Variants in MAML3 observed in about 807,000 individuals in gnomAD.
The protein encoded by MAML3 is mastermind like transcriptional coactivator 3, also known as mastermind-like protein 3.
A neutral mutation model predicts 101.9 loss-of-function variants in MAML3; 27 were observed. That is an observed-to-expected ratio of 0.27 (90% CI 0.20 to 0.37). MAML3 has a LOEUF of 0.37. MAML3 is among the 10% of genes least tolerant of loss of function. The pLI is 1.00. For synonymous variants in MAML3, 501 were observed against 555.9 expected (o/e 0.90, Z 1.39); for missense variants, 1,316 against 1,444.9 (o/e 0.91, Z 1.45).
intron 1 of MAML3, among the ~76,000 whole-genome samples, chr4:139,923,037 G>T (rs1018323495): frequency 1.4e-4 from 22 of 152,166 alleles, no homozygotes; most frequent in Admixed American, 1.4e-3. Flanking sequence ...TCATGATAGG[G>T]TGCCAGAGGG....
intron 1 of MAML3, among the ~76,000 whole-genome samples, chr4:140,121,447 C>T: frequency 6.6e-6 from 1 of 152,160 alleles, no homozygotes; most frequent in East Asian, 1.9e-4. Flanking sequence ...CAGAAATGTT[C>T]TTTGGCTGGC....
At chr4:140,122,283 G>A (rs1278469030) in intron 1 of MAML3, among the ~76,000 whole-genome samples, 1 of 145,036 alleles carries the variant, frequency 6.9e-6, no homozygotes, top group African/African-American at 2.6e-5. Flanking sequence ...GTGCAATAGC[G>A]CAATCTCGGC....
chr4:139,743,342 C>G (rs552343958), intron 2 of MAML3, among the ~76,000 whole-genome samples: 1 of 152,326 alleles, frequency 6.6e-6, no homozygotes, highest in South Asian at 2.1e-4. Flanking sequence ...GAAAGCTTCC[C>G]GGACACTAGG....
intron 1 of MAML3, among the ~76,000 whole-genome samples, chr4:139,989,445 C>G (rs1400710734): frequency 6.6e-6 from 1 of 152,138 alleles, no homozygotes; most frequent in Non-Finnish European, 1.5e-5. Flanking sequence ...TGATCTTCCT[C>G]CCTATTACCC....
intron 1 of MAML3, among the ~76,000 whole-genome samples, chr4:140,068,107 C>A (rs1384897169): frequency 6.6e-6 from 1 of 152,174 alleles, no homozygotes; most frequent in African/African-American, 2.4e-5. Context: ...TTGGAAGTCA[C>A]ACAGCATCAC....
intron 2 of MAML3, among the ~76,000 whole-genome samples, chr4:139,741,607 C>T (rs532839568): frequency 1.3e-5 from 2 of 152,070 alleles, no homozygotes; most frequent in African/African-American, 2.4e-5. Flanking sequence ...ATTAGCTGGG[C>T]ATGGTGGTGT....
chr4:139,990,802 T>C (rs1734657592), intron 1 of MAML3, among the ~76,000 whole-genome samples: 2 of 152,164 alleles, frequency 1.3e-5, no homozygotes, highest in South Asian at 2.1e-4. Context: ...CCAGTCACAA[T>C]TGCTTCAAAG....
At chr4:139,910,640 A>C (rs1380777422) in intron 1 of MAML3, among the ~76,000 whole-genome samples, 1 of 152,208 alleles carries the variant, frequency 6.6e-6, no homozygotes, top group African/African-American at 2.4e-5. Context: ...GAATGGAGAT[A>C]TTAGGTGTGA....
chr4:139,786,723 A>G (rs1730310369), intron 2 of MAML3, among the ~76,000 whole-genome samples: 1 of 152,234 alleles, frequency 6.6e-6, no homozygotes, highest in Non-Finnish European at 1.5e-5. Flanking sequence ...TGTTCACAGC[A>G]GGAAGCATGG....
At chr4:139,779,961 T>TGCTA (rs1370911424) in intron 2 of MAML3, among the ~76,000 whole-genome samples, 1 of 152,260 alleles carries the variant, frequency 6.6e-6, no homozygotes, top group African/African-American at 2.4e-5. Flanking sequence ...AGTGCTGTTC[T>TGCTA]CTGTCAGCTT....
At chr4:139,885,767 CA>C (rs372757658) in intron 2 of MAML3, among the ~76,000 whole-genome samples, 46,864 of 131,262 alleles carry the variant, frequency 0.36, 8,369 homozygotes, top group East Asian at 0.58. Flanking sequence ...ACTAAACATA[CA>C]AAAAAAAAAA....
chr4:139,817,858 C>T (rs11728705), intron 2 of MAML3, among the ~76,000 whole-genome samples: 61,378 of 152,012 alleles, frequency 0.4, 12,602 homozygotes, highest in Admixed American at 0.46. Context: ...GCAGCTCCAC[C>T]TGCTCACTGT....
At chr4:140,058,563 CATGT>C (rs1430832675) in intron 1 of MAML3, among the ~76,000 whole-genome samples, 12 of 77,310 alleles carry the variant, frequency 1.6e-4, no homozygotes, top group African/African-American at 4.1e-4. Flanking sequence ...AGATATAATA[CATGT>C]ATATATATAT....
At chr4:139,740,052 TACAGGTTCAGCA>T (rs1729107543) in intron 2 of MAML3, among the ~76,000 whole-genome samples, 1 of 152,106 alleles carries the variant, frequency 6.6e-6, no homozygotes. Context: ...TGGGCTTGGA[TACAGGTTCAGCA>T]ACTAGGTCGG....
intron 1 of MAML3, among the ~76,000 whole-genome samples, chr4:139,912,334 G>A (rs912426334): frequency 6.6e-6 from 1 of 152,042 alleles, no homozygotes; most frequent in Non-Finnish European, 1.5e-5. Context: ...TTGACACAAG[G>A]TTATCATCTC....
intron 1 of MAML3, among the ~76,000 whole-genome samples, chr4:140,132,899 G>A (rs1285879363): frequency 6.6e-6 from 1 of 152,106 alleles, no homozygotes; most frequent in Non-Finnish European, 1.5e-5. Context: ...GAGGTTTTTG[G>A]TCTACATCGT....
intron 1 of MAML3, among the ~76,000 whole-genome samples, chr4:139,971,973 T>G (rs950952168): frequency 6.6e-6 from 1 of 152,238 alleles, no homozygotes; most frequent in African/African-American, 2.4e-5. Flanking sequence ...AAGATTCAAA[T>G]TTATGCTTTG....
At chr4:139,940,965 T>A (rs1470838598) in intron 1 of MAML3, among the ~76,000 whole-genome samples, 1 of 152,232 alleles carries the variant, frequency 6.6e-6, no homozygotes, top group East Asian at 1.9e-4. Flanking sequence ...CTATGTTAAA[T>A]ATAGATCACA....
chr4:139,756,476 A>G (rs1729653066), intron 2 of MAML3, among the ~76,000 whole-genome samples: 1 of 152,230 alleles, frequency 6.6e-6, no homozygotes, highest in Non-Finnish European at 1.5e-5. Context: ...GAATATCCCA[A>G]GAATTATACC....
Sources: allele counts gnomAD v4.1 joint callset (sites outside exome capture counted in the v4.1 genomes callset), GRCh38; gene constraint gnomAD v4.1.1; transcripts MANE v1.5; gene names NCBI Gene and HGNC (gene_info 2026-07-23, HGNC 2026-07-21).